The following VANGL1 variants were observed in gnomAD, a reference collection of about 807,000 sequenced individuals.
VANGL1 encodes vang-like protein 1.
In VANGL1, 18 loss-of-function variants were observed where a neutral mutation model predicts 48.4. The observed-to-expected ratio is 0.37, with a 90% CI of 0.26 to 0.55. VANGL1 has a LOEUF of 0.55. Ranked by LOEUF, VANGL1 falls within the 20% of genes least tolerant of loss-of-function variation. The pLI is 0.81. For missense variants in VANGL1, 667 were observed against 675.8 expected (o/e 0.99, Z 0.14); for synonymous variants, 257 against 261.8 (o/e 0.98, Z 0.18).
intron 4 of VANGL1, among the ~76,000 whole-genome samples, chr1:115,676,829 C>G (rs944759106): frequency 8.5e-5 from 13 of 152,240 alleles, no homozygotes; most frequent in African/African-American, 3.1e-4. Flanking sequence ...CAGGCCTGCC[C>G]CAGTCAATTC....
Position 115,685,399 on chromosome 1 carries a change from G to C in VANGL1, c.1186G>C (p.Ala396Pro). ...EVMDPREAAQ[A>P]IFPSMARALQ... ...GATGGACCCTAGGGAGGCCGCCCAGGCCATTTTCCCCTCCATGGCCAGGGC... is the reference window on the plus strand; with the variant it reads ...GATGGACCCTAGGGAGGCCGCCCAGCCCATTTTCCCCTCCATGGCCAGGGC... Residue 396 changes from alanine (A) to proline (P), a missense_variant, in exon 7 of 8, where the codon GCC (alanine) becomes CCC (proline). Ala to Pro is a conservative substitution (Grantham distance 27, BLOSUM62 -1). Coordinates refer to ENST00000355485, the MANE Select transcript of VANGL1 (RefSeq NM_138959.3). 2 of 1,614,138 alleles carry C rather than the reference G, an allele frequency of 1.2e-6. No individual in the cohort carries two copies.
chr1:115,684,153 T>TTTAC, intron 6 of VANGL1, 77 bp downstream of exon 6: 1 of 1,311,284 alleles, frequency 7.6e-7, no homozygotes, highest in African/African-American at 1.5e-5. Flanking sequence ...TATTTATTTA[T>TTTAC]TTAGAGACAG....
chr1:115,673,649 G>T (rs1653063431), intron 4 of VANGL1, among the ~76,000 whole-genome samples: 1 of 146,894 alleles, frequency 6.8e-6, no homozygotes, highest in Non-Finnish European at 1.5e-5. Flanking sequence ...GCCCAGGCTG[G>T]AGTGCCTTAG....
At position 115,659,639 on chromosome 1, in the gene VANGL1, A is replaced by T. The variant is rs1246230876; in HGVS notation, c.72-2A>T. 1.9e-6 allele frequency: 3 copies of T among 1,613,920 alleles called. No homozygotes were observed. In the African/African-American group the frequency reaches 4.0e-5, roughly 22 times the overall value. On this transcript the variant is annotated splice_acceptor_variant, in intron 2 of 7. Coordinates refer to ENST00000355485, the MANE Select transcript of VANGL1 (RefSeq NM_138959.3). LOFTEE classifies it high-confidence loss of function. ...ATGTGCTAGCTCATTGTTGTTTTTC[A>T]GGGAAAGAACTAGAGAGAGACACAA...
chr1:115,662,146 A>C (rs1336090180), intron 3 of VANGL1, among the ~76,000 whole-genome samples: 1 of 152,138 alleles, frequency 6.6e-6, no homozygotes, highest in Non-Finnish European at 1.5e-5. Context: ...TGCAAGTTGA[A>C]GGATTATTAG....
intron 1 of VANGL1, 52 bp from the exon 2 acceptor site, chr1:115,651,225 A>G: frequency 6.7e-6 from 4 of 600,996 alleles, no homozygotes; most frequent in Admixed American, 2.9e-5. Flanking sequence ...TTTCAGCCCC[A>G]TTAAGGTTGG....
intron 1 of VANGL1, among the ~76,000 whole-genome samples, chr1:115,642,890 A>T (rs1421562564): frequency 7.2e-5 from 11 of 152,218 alleles, no homozygotes. Context: ...GTGAAGCTTT[A>T]TAAAAATTTA....
At chr1:115,657,923 C>T (rs978651360) in intron 2 of VANGL1, among the ~76,000 whole-genome samples, 1 of 152,056 alleles carries the variant, frequency 6.6e-6, no homozygotes, top group Non-Finnish European at 1.5e-5. Flanking sequence ...GGAGAGGAGG[C>T]GCCACACACT....
chr1:115,673,225 C>T (rs1158373077), intron 4 of VANGL1, among the ~76,000 whole-genome samples: 1 of 152,152 alleles, frequency 6.6e-6, no homozygotes, highest in East Asian at 1.9e-4. Context: ...TCCTTCCTCC[C>T]GTTCTCTCAC....
intron 4 of VANGL1, among the ~76,000 whole-genome samples, chr1:115,666,305 C>T (rs566012473): frequency 2.0e-5 from 3 of 152,298 alleles, no homozygotes; most frequent in African/African-American, 7.2e-5. Context: ...CCCCCATGGG[C>T]TCCCACATCG....
At chr1:115,655,110 T>A (rs1652293988) in intron 2 of VANGL1, among the ~76,000 whole-genome samples, 1 of 152,200 alleles carries the variant, frequency 6.6e-6, no homozygotes, top group South Asian at 2.1e-4. Context: ...CTGTGTGTCC[T>A]GCGCCCAGCG....
In VANGL1 at chr1:115,695,257, T is replaced by C. The variant is rs1653993335; in HGVS notation, c.*3878T>C. ...ATTGGGCTTTATTTTTAAAAAGTGA[T>C]AGGTTACTTACAGTAGCACAGAAAT... On this transcript the variant is annotated 3_prime_UTR_variant, in exon 8 of 8. Transcript: ENST00000355485. 3 of 152,634 alleles carry C rather than the reference T, an allele frequency of 2.0e-5. No individual in the cohort carries two copies. The South Asian group carries it at 6.2e-4, about 32-fold the overall frequency. The allele number at this position is 152,634 out of a possible 1,614,324, so 9.5% of individuals were successfully genotyped here. A position where few individuals can be genotyped will look rare whatever the true frequency, so the allele number is the denominator to read the frequency against.
chr1:115,683,527 C>A (rs914430823), intron 5 of VANGL1, among the ~76,000 whole-genome samples: 3 of 152,128 alleles, frequency 2.0e-5, no homozygotes, highest in African/African-American at 7.2e-5. Flanking sequence ...TCTGTCTGTC[C>A]TTGGTCTCCC....
rs1380461658 is a variant in VANGL1 at position 115,688,344 on chromosome 1, G to A, written c.1315-2775G>A. Among the ~76,000 whole-genome samples, 11 of 138,534 alleles carry A rather than the reference G, an allele frequency of 7.9e-5. 2 individuals are homozygous for A. Among genetic ancestry groups the A allele is most frequent in the African/African-American group, 3.0e-4 (11 of 36,826 alleles). The allele number at this position is 138,534 out of a possible 152,430, so 90.9% of individuals were successfully genotyped here. A position where few individuals can be genotyped will look rare whatever the true frequency, so the allele number is the denominator to read the frequency against. Reference sequence around the variant, plus strand: ...GGATTAAGAGTTTTCATTAGTGAAAGCCAGGGGCTTGTTGTATTTGTTAAT... The same window carrying A: ...GGATTAAGAGTTTTCATTAGTGAAAACCAGGGGCTTGTTGTATTTGTTAAT... On this transcript the variant is annotated intron_variant, in intron 7 of 7. Coordinates refer to ENST00000355485, the MANE Select transcript of VANGL1 (RefSeq NM_138959.3).
chr1:115,681,344 C>T (rs1420550544), intron 4 of VANGL1, among the ~76,000 whole-genome samples: 3 of 135,464 alleles, frequency 2.2e-5, no homozygotes, highest in African/African-American at 5.4e-5. Flanking sequence ...TCCCCTGCTG[C>T]TCTCTGAGGA....
chr1:115,661,479 G>A (rs1010592330), intron 3 of VANGL1, among the ~76,000 whole-genome samples: 4 of 98,062 alleles, frequency 4.1e-5, no homozygotes, highest in African/African-American at 1.6e-4. Context: ...TTAGCATAAT[G>A]ATTTTGAGAT....
chr1:115,672,937 C>T (rs1297708902), intron 4 of VANGL1, among the ~76,000 whole-genome samples: 4 of 152,184 alleles, frequency 2.6e-5, no homozygotes, highest in South Asian at 2.1e-4. Context: ...GAAGCCCACA[C>T]GTCCAGGTAG....
In VANGL1 at chr1:115,651,359, A is replaced by G. The variant is rs371591397; in HGVS notation, c.-55A>G. On this transcript the variant is annotated 5_prime_UTR_variant, in exon 2 of 8. Coordinates refer to ENST00000355485, the MANE Select transcript of VANGL1 (RefSeq NM_138959.3). ...AGGAGTCTGGTAGGTGAAATTTTCT[A>G]CCTCTAAGGAGAAACAGTACCTGCT... 75 of 1,549,462 alleles carry G rather than the reference A, an allele frequency of 4.8e-5. No homozygotes were observed. Among genetic ancestry groups the G allele is most frequent in the Non-Finnish European group, 6.3e-5 (71 of 1,125,368 alleles).
At position 115,688,820 on chromosome 1, in the gene VANGL1, C is replaced by G. The variant is rs747039636; in HGVS notation, c.1315-2299C>G. Among the ~76,000 whole-genome samples the G allele has an allele frequency of 4.6e-5, 6 of 129,218 alleles. 1 individual carries two copies. Among genetic ancestry groups the G allele is most frequent in the Non-Finnish European group, 8.2e-5 (5 of 60,826 alleles). The allele number at this position is 129,218 out of a possible 152,430, so 84.8% of individuals were successfully genotyped here. On this transcript the variant is annotated intron_variant, in intron 7 of 7. Coordinates refer to ENST00000355485, the MANE Select transcript of VANGL1 (RefSeq NM_138959.3). ...TTTTTTTTTCTTTGAGACGGAGTCT[C>G]ACTCTGTCACCCAGGATGGAGTGCA...
Sources: allele counts gnomAD v4.1 joint callset (sites outside exome capture counted in the v4.1 genomes callset), GRCh38; gene constraint gnomAD v4.1.1; transcripts MANE v1.5; gene names NCBI Gene and HGNC (gene_info 2026-07-23, HGNC 2026-07-21).